Variants in OTOG observed in about 807,000 individuals in gnomAD.
OTOG encodes otogelin.
OTOG carries 296 observed loss-of-function variants against 313.8 expected under a neutral mutation model. The observed-to-expected ratio is 0.94, with a 90% CI of 0.86 to 1.04. The LOEUF (loss-of-function observed/expected upper bound fraction) is 1.04, where lower values mean the gene tolerates loss of function less well. Among genes scored for constraint, OTOG ranks in the 50% least tolerant of loss-of-function variants. The pLI, the probability that OTOG is intolerant of heterozygous loss-of-function variation, is 0.00. For synonymous variants in OTOG, 1,533 were observed against 1,554.9 expected (o/e 0.99, Z 0.33); for missense variants, 3,948 against 3,840.1 (o/e 1.03, Z -0.74).
intron 3 of OTOG, among the ~76,000 whole-genome samples, chr11:17,550,114 T>C (rs1286674924): frequency 1.3e-5 from 2 of 152,244 alleles, no homozygotes; most frequent in Non-Finnish European, 2.9e-5. Flanking sequence ...ATTATTATTA[T>C]AGTCTACAAA....
At chr11:17,639,398 G>A in intron 48 of OTOG, 25 bp from the exon 49 acceptor site, 3 of 1,550,564 alleles carry the variant, frequency 1.9e-6, no homozygotes, top group East Asian at 4.9e-5. Context: ...TGATGAAGTG[G>A]GGCCTGGCCC....
At chr11:17,604,172 G>A (rs904871794) in intron 32 of OTOG, among the ~76,000 whole-genome samples, 4 of 152,124 alleles carry the variant, frequency 2.6e-5, no homozygotes, top group East Asian at 1.9e-4. Context: ...CTTCCAAACC[G>A]AGGCATTAAA....
At position 17,574,794 on chromosome 11, in the gene OTOG, A is replaced by G; in HGVS notation, c.2368A>G (p.Ser790Gly). The G allele has an allele frequency of 6.4e-7, 1 of 1,550,664 alleles. No individual in the cohort carries two copies. The highest frequency in any genetic ancestry group is 8.7e-7 in the Non-Finnish European group (1 of 1,146,946). ...PCGRTCQDLASPEACGVDGGD... is the reference protein window; with the variant it reads ...PCGRTCQDLAGPEACGVDGGD... ...TGGACGTACCTGCCAGGACCTGGCC[A>G]GCCCTGAGGCCTGTGGGGTTGATGG... is the stretch of plus-strand genomic sequence containing the variant. Residue 790 changes from serine to glycine, a missense_variant, in exon 20 of 56, where the codon AGC (serine) becomes GGC (glycine). Ser to Gly is a moderately conservative substitution (Grantham distance 56). Transcript: ENST00000399397.
chr11:17,595,218 C>T (rs1853063250), intron 28 of OTOG, among the ~76,000 whole-genome samples: 1 of 152,110 alleles, frequency 6.6e-6, no homozygotes, highest in Admixed American at 6.5e-5. Flanking sequence ...AAAAGTGCGC[C>T]CTAACACACC....
At chr11:17,581,253 A>C (rs1442837318) in intron 23 of OTOG, among the ~76,000 whole-genome samples, 1 of 152,226 alleles carries the variant, frequency 6.6e-6, no homozygotes, top group African/African-American at 2.4e-5. Flanking sequence ...TTCAGCCTCC[A>C]GATCCCCTAT....
chr11:17,619,509 A>T (rs1853810878), intron 39 of OTOG, among the ~76,000 whole-genome samples: 1 of 151,578 alleles, frequency 6.6e-6, no homozygotes, highest in African/African-American at 2.4e-5. Flanking sequence ...ATTGTTTTTA[A>T]TGACTCCATT....
intron 23 of OTOG, among the ~76,000 whole-genome samples, chr11:17,585,241 G>T (rs1214715996): frequency 1.3e-5 from 2 of 152,158 alleles, no homozygotes; most frequent in Non-Finnish European, 2.9e-5. Flanking sequence ...TATAGTTTGT[G>T]TCTTTTAAGA....
chr11:17,569,507 G>T (rs1396697495), intron 16 of OTOG, among the ~76,000 whole-genome samples: 1 of 152,184 alleles, frequency 6.6e-6, no homozygotes, highest in Non-Finnish European at 1.5e-5. Context: ...TAGCATGATG[G>T]CTTCTCCTAA....
chr11:17,631,937 G>A lies in OTOG; in HGVS notation c.6933+15G>A, dbSNP rs1488017892. The A allele has an allele frequency of 1.3e-6, 2 of 1,548,676 alleles. No homozygotes were observed. Among genetic ancestry groups the A allele is most frequent in the South Asian group, 1.2e-5 (1 of 84,014 alleles). Reference sequence around the variant, plus strand: ...GCCACCGCTTTGTATGTGCCAACTGGGTCCAGCACTGGGGACACCTCCTGG... The same window carrying A: ...GCCACCGCTTTGTATGTGCCAACTGAGTCCAGCACTGGGGACACCTCCTGG... On this transcript the variant is annotated intron_variant, in intron 41 of 55. Transcript: ENST00000399397.
intron 38 of OTOG, among the ~76,000 whole-genome samples, chr11:17,613,177 T>C (rs1352897019): frequency 4.0e-5 from 4 of 99,676 alleles, no homozygotes; most frequent in Admixed American, 9.1e-5. Flanking sequence ...CCCTTTTCTT[T>C]CTTTCTTTCT....
intron 32 of OTOG, among the ~76,000 whole-genome samples, chr11:17,603,819 C>T (rs765281058): frequency 3.3e-5 from 5 of 152,126 alleles, no homozygotes; most frequent in Non-Finnish European, 4.4e-5. Flanking sequence ...CCAGGCTTCC[C>T]GCTCTGGGGA....
intron 23 of OTOG, 95 bp from the exon 24 acceptor site, chr11:17,586,379 C>A: frequency 1.6e-6 from 1 of 634,184 alleles, no homozygotes. Flanking sequence ...ATGCTGGGAG[C>A]CACCTCCGAG....
Position 17,634,866 on chromosome 11 carries a change from G to A in OTOG, c.7503G>A (p.Glu2501=). 6.5e-7 allele frequency: 1 copy of A among 1,549,626 alleles called. No homozygotes were observed. ...CAGTGTGTAACCAGACTCTGTGTGA[G>A]GGTCTCGCCCCCACATGCCGCCCAG... The part of the protein sequence containing the change: ...TVCVCNQTLC[E]GLAPTCRPGH... The change falls in exon 45 of 56, where the codon GAG becomes GAA. Residue 2501 remains glutamate (E), a synonymous_variant. Transcript: ENST00000399397.
chr11:17,619,036 G>T (rs139764312), intron 39 of OTOG, among the ~76,000 whole-genome samples: 1 of 152,292 alleles, frequency 6.6e-6, no homozygotes, highest in South Asian at 2.1e-4. Flanking sequence ...GTTGAAGCAG[G>T]TGGACTGCTT....
intron 34 of OTOG, 70 bp downstream of exon 34, chr11:17,608,483 C>T (rs951068731): frequency 9.4e-7 from 1 of 1,058,526 alleles, no homozygotes; most frequent in Non-Finnish European, 1.3e-6. Context: ...CTCACATACA[C>T]TTGTGTATGA....
rs1853544554 is a variant in OTOG, at chr11:17,611,388, A to G, written c.6088A>G (p.Thr2030Ala). ...AGAGGGTTTGGCGGAGGCTTTGGCA[A>G]CTACCACTGAGGCCAATACATCCAC... The part of the protein sequence containing the change: ...IVEGLAEALA[T>A]TTEANTSTTC... The change falls in exon 36 of 56, where the codon ACT (threonine) becomes GCT (alanine). Residue 2030 changes from threonine (T) to alanine (A), a missense_variant. Physicochemically the swap from Thr to Ala is moderately conservative, Grantham distance 58. Transcript: ENST00000399397. 1 of 1,539,818 alleles carries G rather than the reference A, an allele frequency of 6.5e-7. No homozygotes were observed. The highest frequency in any genetic ancestry group is 2.0e-5 in the Admixed American group (1 of 50,478).
chr11:17,558,660 G>A lies in OTOG; in HGVS notation c.1103+16G>A, dbSNP rs2134006481. ...ATCTCTGCCAGTGAGTAGGGGTGGT[G>A]TGGGCTATGGGGAACCCTCTAGTAT... On this transcript the variant is annotated intron_variant, in intron 10 of 55. Transcript: ENST00000399397. 1.3e-6 allele frequency: 2 copies of A among 1,546,630 alleles called. No individual in the cohort carries two copies. The highest frequency in any genetic ancestry group is 2.4e-5 in the South Asian group (2 of 84,050).
intron 24 of OTOG, among the ~76,000 whole-genome samples, chr11:17,591,065 C>T (rs929298551): frequency 5.9e-5 from 9 of 152,120 alleles, no homozygotes; most frequent in East Asian, 1.9e-4. Context: ...CAGAGGCAGA[C>T]GGTTTTCTTT....
chr11:17,581,763 C>A (rs1002763899), intron 23 of OTOG, among the ~76,000 whole-genome samples: 1 of 152,154 alleles, frequency 6.6e-6, no homozygotes, highest in African/African-American at 2.4e-5. Flanking sequence ...CTAATGTTGG[C>A]GCCCTATATA....
Sources: allele counts gnomAD v4.1 joint callset (sites outside exome capture counted in the v4.1 genomes callset), GRCh38; gene constraint gnomAD v4.1.1; transcripts MANE v1.5; gene names NCBI Gene and HGNC (gene_info 2026-07-23, HGNC 2026-07-21).